Variants in ALMS1 observed in about 807,000 individuals in gnomAD.
ALMS1 encodes centrosome-associated protein ALMS1.
In ALMS1, 271 loss-of-function variants were observed where a neutral mutation model predicts 352.2. The ratio of observed to expected loss-of-function variants is 0.77; its 90% confidence interval spans 0.70 to 0.85. The LOEUF (loss-of-function observed/expected upper bound fraction) is 0.85, where lower values mean the gene tolerates loss of function less well. Ranked by LOEUF, ALMS1 falls within the 40% of genes least tolerant of loss-of-function variation. The pLI, the probability that ALMS1 is intolerant of heterozygous loss-of-function variation, is 0.00. For synonymous variants in ALMS1, 1,865 were observed against 1,761.2 expected, an observed-to-expected ratio of 1.06 and a Z score of -1.48; for missense variants, 5,445 against 4,870.7, an observed-to-expected ratio of 1.12 and a Z score of -3.51.
At chr2:73,468,621 C>T (rs1371163989) in intron 9 of ALMS1, among the ~76,000 whole-genome samples, 1 of 151,914 alleles carries the variant, frequency 6.6e-6, no homozygotes, top group Non-Finnish European at 1.5e-5. Flanking sequence ...TGAGTACTTC[C>T]TATAAATGGA....
At chr2:73,597,917 C>T (rs1675585385) in intron 16 of ALMS1, among the ~76,000 whole-genome samples, 1 of 152,022 alleles carries the variant, frequency 6.6e-6, no homozygotes, top group African/African-American at 2.4e-5. Flanking sequence ...TGACAGAGGC[C>T]CTCTCTCTGA....
rs577224267 is a variant in ALMS1, at chr2:73,450,824, G to C, written c.4297G>C (p.Glu1433Gln). 4.3e-6 allele frequency: 7 copies of C among 1,613,924 alleles called. No individual in the cohort carries two copies. The highest frequency in any genetic ancestry group is 2.2e-5 in the East Asian group (1 of 44,870). Residue 1433 changes from glutamate (E) to glutamine (Q), a missense_variant, in exon 8 of 23, where the codon GAG (glutamate) becomes CAG (glutamine). Transcript: ENST00000613296. The stretch of plus-strand genomic sequence containing the variant: ...ACCCTCTACTTTCTACTCACACACA[G>C]AGAAGCCTGGTAGTTTCTACCAACA... Reference protein sequence around the residue: ...TLPSTFYSHTEKPGSFYQQVL... With the variant: ...TLPSTFYSHTQKPGSFYQQVL...
chr2:73,605,786 T>A (rs991232157), intron 21 of ALMS1, among the ~76,000 whole-genome samples: 1 of 151,278 alleles, frequency 6.6e-6, no homozygotes, highest in Non-Finnish European at 1.5e-5. Flanking sequence ...GAGGTTGCAG[T>A]GAGCCAAGAT....
chr2:73,466,317 A>T (rs531038835), intron 9 of ALMS1, among the ~76,000 whole-genome samples: 1 of 152,174 alleles, frequency 6.6e-6, no homozygotes, highest in East Asian at 1.9e-4. Flanking sequence ...AAAAATGATG[A>T]GTTCATGTCC....
chr2:73,604,135 T>G (rs1409684814), intron 21 of ALMS1: 1 of 152,228 alleles, frequency 6.6e-6, no homozygotes, highest in East Asian at 1.9e-4. Flanking sequence ...CAGAAAAAAC[T>G]GGTAATACTG....
intron 22 of ALMS1, among the ~76,000 whole-genome samples, chr2:73,608,968 G>A (rs899144221): frequency 3.9e-5 from 6 of 152,206 alleles, no homozygotes; most frequent in African/African-American, 2.4e-5. Context: ...GTGTAACTGC[G>A]GCATAAGAGT....
intron 14 of ALMS1, among the ~76,000 whole-genome samples, chr2:73,558,732 A>T (rs564150166): frequency 4.1e-4 from 62 of 152,140 alleles, no homozygotes; most frequent in African/African-American, 1.4e-3. Flanking sequence ...TCCCACCTGC[A>T]ATTAGTTTTT....
upstream of ALMS1, chr2:73,385,785 G>A (rs1053372251): frequency 1.8e-5 from 11 of 627,062 alleles, no homozygotes; most frequent in Non-Finnish European, 2.3e-5. Flanking sequence ...CCTAAGCTGG[G>A]CCACAACCGC....
At chr2:73,501,173 ATTAT>A (rs1673211505) in intron 10 of ALMS1, among the ~76,000 whole-genome samples, 3 of 152,094 alleles carry the variant, frequency 2.0e-5, no homozygotes, top group Admixed American at 6.6e-5. Flanking sequence ...TATCCATTGG[ATTAT>A]TTGTCTCAGT....
rs750675513 is a variant in ALMS1, at chr2:73,422,883, G to A, written c.673G>A (p.Asp225Asn). Residue 225 changes from aspartate (D) to asparagine (N), a missense_variant, in exon 4 of 23, where the codon GAT (aspartate) becomes AAT (asparagine). Physicochemically the swap from Asp to Asn is conservative, Grantham distance 23. Transcript: ENST00000613296. ...LVIQDSFASP[D>N]LPLLTCLTQD... is the part of the protein sequence containing the mutation. ...CATACAAGATAGCTTTGCTTCTCCTGATTTGCCTTTGCTGACCTGTTTGAC... is the reference window on the plus strand; with the variant it reads ...CATACAAGATAGCTTTGCTTCTCCTAATTTGCCTTTGCTGACCTGTTTGAC... 2 of 1,613,530 alleles carry A rather than the reference G, an allele frequency of 1.2e-6. No individual in the cohort carries two copies. The highest frequency in any genetic ancestry group is 1.7e-6 in the Non-Finnish European group (2 of 1,179,562).
At chr2:73,462,395 C>A (rs1182859973) in intron 9 of ALMS1, among the ~76,000 whole-genome samples, 1 of 152,142 alleles carries the variant, frequency 6.6e-6, no homozygotes, top group Non-Finnish European at 1.5e-5. Context: ...CCTTTACAGA[C>A]AAGCAAATGC....
At position 73,490,295 on chromosome 2, in the gene ALMS1, A is replaced by T. The variant is rs751618181; in HGVS notation, c.8336A>T (p.Asn2779Ile). The change falls in exon 10 of 23, where the codon AAT (asparagine) becomes ATT (isoleucine). Residue 2779 changes from asparagine (N) to isoleucine (I), a missense_variant. Transcript: ENST00000613296. ...CCTTCATCATTTAAAATGCATAGTA[A>T]TTCACAAGATAAAGAAGTGACTATT... The part of the protein sequence containing the change: ...SSPSSFKMHS[N>I]SQDKEVTILA... The T allele has an allele frequency of 6.2e-7, 1 of 1,613,098 alleles. No individual in the cohort carries two copies. The highest frequency in any genetic ancestry group is 8.5e-7 in the Non-Finnish European group (1 of 1,179,624).
intron 11 of ALMS1, among the ~76,000 whole-genome samples, chr2:73,521,303 G>T (rs1416209154): frequency 6.6e-6 from 1 of 152,014 alleles, no homozygotes; most frequent in African/African-American, 2.4e-5. Flanking sequence ...GGGTCAATTG[G>T]ACTTTGGCTG....
chr2:73,475,669 T>C (rs1672567315), intron 9 of ALMS1, among the ~76,000 whole-genome samples: 1 of 152,112 alleles, frequency 6.6e-6, no homozygotes, highest in African/African-American at 2.4e-5. Flanking sequence ...CTGTAGACTT[T>C]TTTACTTTCT....
chr2:73,467,229 A>G (rs1672374597), intron 9 of ALMS1, among the ~76,000 whole-genome samples: 1 of 152,136 alleles, frequency 6.6e-6, no homozygotes, highest in South Asian at 2.1e-4. Flanking sequence ...GGTATTTCGG[A>G]TACATATATT....
chr2:73,439,991 T>G (rs1671683098), intron 7 of ALMS1, among the ~76,000 whole-genome samples: 1 of 152,088 alleles, frequency 6.6e-6, no homozygotes, highest in African/African-American at 2.4e-5. Context: ...AATTATTTAT[T>G]TATTTTTGAG....
chr2:73,458,515 A>T (rs1486436300), intron 9 of ALMS1: 2 of 152,234 alleles, frequency 1.3e-5, no homozygotes, highest in African/African-American at 4.8e-5. Context: ...GAGTATATGA[A>T]TAACAACCAA....
At chr2:73,438,778 T>G (rs899000244) in intron 7 of ALMS1, among the ~76,000 whole-genome samples, 1 of 152,190 alleles carries the variant, frequency 6.6e-6, no homozygotes, top group Non-Finnish European at 1.5e-5. Context: ...TTACTCTGAT[T>G]TAGTTCTTAC....
At chr2:73,540,398 C>T (rs1410971596) in intron 12 of ALMS1, among the ~76,000 whole-genome samples, 1 of 152,158 alleles carries the variant, frequency 6.6e-6, no homozygotes, top group Non-Finnish European at 1.5e-5. Context: ...ACAACTGGTA[C>T]CAGCCACTGC....
Sources: allele counts gnomAD v4.1 joint callset (sites outside exome capture counted in the v4.1 genomes callset), GRCh38; gene constraint gnomAD v4.1.1; transcripts MANE v1.5; gene names NCBI Gene and HGNC (gene_info 2026-07-23, HGNC 2026-07-21).